Variants in FNDC1 observed in about 807,000 individuals in gnomAD.
FNDC1 encodes fibronectin type III domain-containing protein 1.
Under a neutral mutation model 168.0 loss-of-function variants are expected in FNDC1, and 96 were observed. That is an observed-to-expected ratio of 0.57 (90% CI 0.48 to 0.68). The LOEUF (loss-of-function observed/expected upper bound fraction) is 0.68, where lower values mean the gene tolerates loss of function less well. Ranked by LOEUF, FNDC1 falls within the 30% of genes least tolerant of loss-of-function variation. The probability of loss-of-function intolerance (pLI) is 0.00; values close to 1 mark genes in which losing one functional copy is unlikely to be tolerated. For synonymous variants in FNDC1, 1,099 were observed against 1,025.9 expected, an observed-to-expected ratio of 1.07 and a Z score of -1.36; for missense variants, 2,587 against 2,482.1, an observed-to-expected ratio of 1.04 and a Z score of -0.90.
chr6:159,201,458 C>G (rs1782375534), intron 4 of FNDC1, among the ~76,000 whole-genome samples: 1 of 152,118 alleles, frequency 6.6e-6, no homozygotes, highest in Non-Finnish European at 1.5e-5. Context: ...ACTAAGTGTT[C>G]TTGTTTGAAT....
chr6:159,233,288 C>A lies in FNDC1; in HGVS notation c.2776C>A (p.Pro926Thr), dbSNP rs753406818. ...GASLHRKEPI[P>T]ENPKSTGADT... ...CAGCCTGCATCGGAAGGAACCCATCCCAGAGAACCCCAAATCCACAGGGGC... is the reference window on the plus strand; with the variant it reads ...CAGCCTGCATCGGAAGGAACCCATCACAGAGAACCCCAAATCCACAGGGGC... Residue 926 changes from proline (P) to threonine (T), a missense_variant, in exon 11 of 23, where the codon CCA (proline) becomes ACA (threonine). Physicochemically the swap from Pro to Thr is conservative, Grantham distance 38. Transcript: ENST00000297267. The surrounding 1 kb of genome is among the most constrained non-coding windows in gnomAD (Gnocchi z 4.6). 6.2e-7 allele frequency: 1 copy of A among 1,613,944 alleles called. No individual in the cohort carries two copies. The highest frequency in any genetic ancestry group is 8.5e-7 in the Non-Finnish European group (1 of 1,179,864).
rs1045748308 is a variant in FNDC1, at chr6:159,267,901, T to C, written c.5544T>C (p.Tyr1848=). Residue 1848 remains tyrosine, a synonymous_variant, in exon 22 of 23, where the codon TAT becomes TAC. Coordinates refer to ENST00000297267, the MANE Select transcript of FNDC1 (RefSeq NM_032532.3). The stretch of plus-strand genomic sequence containing the variant: ...ATGGAAGAACAGGGCCTCAGTCCTA[T>C]GTAGAAGCCCTCCCTACTATTCAAG... ...HLDGRTGPQS[Y]VEALPTIQGY... is the part of the protein sequence containing the mutation. The C allele has an allele frequency of 9.3e-6, 15 of 1,611,844 alleles. 1 individual carries two copies. The highest frequency in any genetic ancestry group is 7.7e-5 in the South Asian group (7 of 90,462).
chr6:159,198,720 A>G (rs191368077), intron 2 of FNDC1, among the ~76,000 whole-genome samples: 28 of 152,372 alleles, frequency 1.8e-4, no homozygotes, highest in Admixed American at 1.3e-4. Flanking sequence ...TAAAAAACAA[A>G]TAGTATCTCC....
intron 22 of FNDC1, 93 bp from the exon 23 acceptor site, chr6:159,271,234 G>A: frequency 1.3e-6 from 1 of 791,568 alleles, no homozygotes; most frequent in Non-Finnish European, 2.1e-6. Flanking sequence ...CAACTTATCA[G>A]AGGCCTTCTG....
Position 159,266,252 on chromosome 6 carries a change from C to T in FNDC1, c.5446+7C>T, listed in dbSNP as rs763347784. On this transcript the variant is annotated splice_region_variant and intron_variant, in intron 21 of 22. Coordinates refer to ENST00000297267, the MANE Select transcript of FNDC1 (RefSeq NM_032532.3). The stretch of plus-strand genomic sequence containing the variant: ...CTCAGTGACAACCTGAAAGGTAAGT[C>T]TTTGTGCATGGTTGGCTATGGGAGG... 9 of 1,613,682 alleles carry T rather than the reference C, an allele frequency of 5.6e-6. No homozygotes were observed. The highest frequency in any genetic ancestry group is 1.7e-5 in the Admixed American group (1 of 60,008).
In FNDC1 at chr6:159,271,365, G is replaced by C; in HGVS notation, c.5608G>C (p.Gly1870Arg). The C allele has an allele frequency of 6.2e-7, 1 of 1,612,360 alleles. No individual in the cohort carries two copies. Reference protein sequence around the residue: ...RQYRQEPVRFGNIGFGTPYYY... With the variant: ...RQYRQEPVRFRNIGFGTPYYY... ...GTATCGTCAGGAGCCTGTCAGGTTT[G>C]GGAACATCGGCTTCGGAACCCCCTA... Residue 1870 changes from glycine to arginine, a missense_variant, in exon 23 of 23, where the codon GGG (glycine) becomes CGG (arginine). Coordinates refer to ENST00000297267, the MANE Select transcript of FNDC1 (RefSeq NM_032532.3).
chr6:159,264,214 T>G (rs1396428428), intron 19 of FNDC1, among the ~76,000 whole-genome samples: 1 of 152,260 alleles, frequency 6.6e-6, no homozygotes, highest in African/African-American at 2.4e-5. Context: ...TTCCTCCTGC[T>G]ACTGTGCAAT....
chr6:159,177,598 A>T (rs1354734134), intron 1 of FNDC1, among the ~76,000 whole-genome samples: 1 of 152,122 alleles, frequency 6.6e-6, no homozygotes, highest in African/African-American at 2.4e-5. Context: ...GCTGCTTTTG[A>T]CAAAAGCTCT....
chr6:159,183,377 G>A (rs1781923290), intron 1 of FNDC1, among the ~76,000 whole-genome samples: 1 of 152,192 alleles, frequency 6.6e-6, no homozygotes, highest in Non-Finnish European at 1.5e-5. Flanking sequence ...CTTTTTTCTG[G>A]TTCTCCTACC....
At chr6:159,192,274 C>T (rs1782157579) in intron 1 of FNDC1, among the ~76,000 whole-genome samples, 1 of 152,132 alleles carries the variant, frequency 6.6e-6, no homozygotes, top group African/African-American at 2.4e-5. Context: ...AATGAAGTAA[C>T]TATATGTCAT....
At chr6:159,170,601 A>G (rs981600375) in intron 1 of FNDC1, among the ~76,000 whole-genome samples, 1 of 152,368 alleles carries the variant, frequency 6.6e-6, no homozygotes, top group Non-Finnish European at 1.5e-5. Flanking sequence ...CAAGAAGCAG[A>G]CAATGATCGT....
intron 1 of FNDC1, among the ~76,000 whole-genome samples, chr6:159,172,158 G>A (rs746178313): frequency 1.2e-4 from 19 of 152,312 alleles, no homozygotes; most frequent in Non-Finnish European, 2.2e-4. Context: ...TTTTAATAGT[G>A]TAAATAAATG....
Position 159,232,923 on chromosome 6 carries a change from C to T in FNDC1, c.2411C>T (p.Thr804Met), listed in dbSNP as rs1262947803. The T allele has an allele frequency of 1.8e-5, 29 of 1,610,896 alleles. No individual in the cohort carries two copies. Among genetic ancestry groups the T allele is most frequent in the East Asian group, 6.7e-5 (3 of 44,836 alleles). The change falls in exon 11 of 23, where the codon ACG becomes ATG. Residue 804 changes from threonine (T) to methionine (M), a missense_variant. Coordinates refer to ENST00000297267, the MANE Select transcript of FNDC1 (RefSeq NM_032532.3). The surrounding 1 kb of genome is among the most constrained non-coding windows in gnomAD (Gnocchi z 4.9). Reference sequence around the variant, plus strand: ...GACGGCGGAAGGCAGGCGGAGGCCACGGCCCAGACGCTGCGGGCCCGGCCT... The same window carrying T: ...GACGGCGGAAGGCAGGCGGAGGCCATGGCCCAGACGCTGCGGGCCCGGCCT... ...REDGGRQAEA[T>M]AQTLRARPAS...
intron 1 of FNDC1, among the ~76,000 whole-genome samples, chr6:159,191,902 C>T (rs530978356): frequency 1.9e-4 from 29 of 152,196 alleles, no homozygotes; most frequent in African/African-American, 6.7e-4. Context: ...CTCACTCTGT[C>T]GCCCAGGCTA....
intron 1 of FNDC1, among the ~76,000 whole-genome samples, chr6:159,182,103 C>T (rs56840483): frequency 0.037 from 5,571 of 152,228 alleles, 317 homozygotes; most frequent in African/African-American, 0.13. Flanking sequence ...GGATGTGAGG[C>T]CTTGGGGTGA....
intron 10 of FNDC1, 79 bp from the exon 11 acceptor site, chr6:159,231,803 G>C: frequency 1.6e-6 from 2 of 1,262,902 alleles, no homozygotes; most frequent in South Asian, 1.6e-5. Context: ...TCCATATGCT[G>C]TTTTAAATAC....
Position 159,266,183 on chromosome 6 carries a change from T to C in FNDC1, c.5384T>C (p.Phe1795Ser). The C allele has an allele frequency of 6.2e-7, 1 of 1,614,004 alleles. No individual in the cohort carries two copies. The highest frequency in any genetic ancestry group is 8.5e-7 in the Non-Finnish European group (1 of 1,179,884). ...QYVKRTWYRK[F>S]VGVVLCNSLR... is the part of the protein sequence containing the mutation. ...GTGAAGCGCACGTGGTATCGAAAGT[T>C]CGTGGGAGTTGTTCTTTGTAATTCA... The change falls in exon 21 of 23, where the codon TTC becomes TCC. Residue 1795 changes from phenylalanine to serine, a missense_variant. Coordinates refer to ENST00000297267, the MANE Select transcript of FNDC1 (RefSeq NM_032532.3).
intron 21 of FNDC1, among the ~76,000 whole-genome samples, chr6:159,267,414 A>G (rs1777614111): frequency 6.6e-6 from 1 of 152,112 alleles, no homozygotes; most frequent in African/African-American, 2.4e-5. Flanking sequence ...CTAGTTACAC[A>G]TGAAAATAGA....
chr6:159,271,238 C>A, intron 22 of FNDC1, 89 bp from the exon 23 acceptor site: 1 of 810,360 alleles, frequency 1.2e-6, no homozygotes, highest in Non-Finnish European at 2.1e-6. Context: ...TTATCAGAGG[C>A]CTTCTGTCTG....
Sources: allele counts gnomAD v4.1 joint callset (sites outside exome capture counted in the v4.1 genomes callset), GRCh38; gene constraint gnomAD v4.1.1; non-coding constraint Gnocchi (gnomAD v3.1); transcripts MANE v1.5; gene names NCBI Gene and HGNC (gene_info 2026-07-23, HGNC 2026-07-21).